Variants in TBC1D22A observed in about 807,000 individuals in gnomAD.
The protein encoded by TBC1D22A is putative GTPase activator.
TBC1D22A carries 38 observed loss-of-function variants against 60.2 expected under a neutral mutation model. The ratio of observed to expected loss-of-function variants is 0.63; its 90% CI spans 0.49 to 0.83. The LOEUF is 0.83. Among genes scored for constraint, TBC1D22A ranks in the 40% least tolerant of loss-of-function variants. The probability of loss-of-function intolerance (pLI) is 0.00; values close to 1 mark genes in which losing one functional copy is unlikely to be tolerated. For synonymous variants in TBC1D22A, 302 were observed against 281.7 expected (o/e 1.07, Z -0.72); for missense variants, 628 against 701.0 (o/e 0.90, Z 1.18).
At chr22:47,139,924 C>G (rs2067016629) in intron 12 of TBC1D22A, among the ~76,000 whole-genome samples, 1 of 152,266 alleles carries the variant, frequency 6.6e-6, no homozygotes. Context: ...TCCTATTACA[C>G]TGTCAGTCTT....
At chr22:46,800,864 C>T (rs2084868522) in intron 4 of TBC1D22A, among the ~76,000 whole-genome samples, 1 of 152,084 alleles carries the variant, frequency 6.6e-6, no homozygotes, top group Non-Finnish European at 1.5e-5. Context: ...CTGGTTGTGT[C>T]CTGTGGTTTC....
chr22:46,890,852 T>C (rs914068497), intron 5 of TBC1D22A, among the ~76,000 whole-genome samples: 1 of 152,204 alleles, frequency 6.6e-6, no homozygotes, highest in Non-Finnish European at 1.5e-5. Flanking sequence ...GGGGTGTGTG[T>C]GCGTGGTTGC....
At chr22:47,140,963 A>T (rs898134760) in intron 12 of TBC1D22A, among the ~76,000 whole-genome samples, 2 of 152,226 alleles carry the variant, frequency 1.3e-5, no homozygotes, top group Non-Finnish European at 2.9e-5. Context: ...GTTAGCATGT[A>T]TGTTAGTCCA....
intron 12 of TBC1D22A, among the ~76,000 whole-genome samples, chr22:47,161,126 G>A (rs1010702885): frequency 1.3e-5 from 2 of 152,226 alleles, no homozygotes; most frequent in African/African-American, 4.8e-5. Flanking sequence ...TGCTGGGGAG[G>A]GAGCACTGCC....
intron 12 of TBC1D22A, among the ~76,000 whole-genome samples, chr22:47,172,547 C>T (rs966605558): frequency 1.8e-4 from 28 of 152,194 alleles, no homozygotes; most frequent in Admixed American, 1.6e-3. Flanking sequence ...TTATGTAAAA[C>T]CTTTTACCTC....
intron 4 of TBC1D22A, among the ~76,000 whole-genome samples, chr22:46,823,863 A>T (rs919182601): frequency 2.6e-5 from 4 of 152,160 alleles, no homozygotes; most frequent in African/African-American, 9.7e-5. Context: ...GGTGCTGCAC[A>T]CGCACACCTG....
intron 1 of TBC1D22A, among the ~76,000 whole-genome samples, chr22:46,782,264 A>T (rs976633410): frequency 2.6e-5 from 4 of 152,228 alleles, no homozygotes; most frequent in Non-Finnish European, 5.9e-5. Context: ...CATGTTGGCC[A>T]GGATGGTCTC....
At chr22:46,956,034 T>C (rs1036388201) in intron 8 of TBC1D22A, among the ~76,000 whole-genome samples, 13 of 152,192 alleles carry the variant, frequency 8.5e-5, no homozygotes, top group African/African-American at 3.1e-4. Context: ...TTTTTCAGTA[T>C]GTGAAAATGA....
intron 1 of TBC1D22A, chr22:46,789,594 A>G (rs776782665): frequency 1.7e-5 from 3 of 174,276 alleles, no homozygotes; most frequent in Non-Finnish European, 2.5e-5. Flanking sequence ...AAATCTTAGA[A>G]TATAAAAGTG....
intron 8 of TBC1D22A, among the ~76,000 whole-genome samples, chr22:46,919,245 G>A (rs897750265): frequency 6.6e-6 from 1 of 152,182 alleles, no homozygotes. Flanking sequence ...TTTCACGTGA[G>A]TGGAATTACA....
At chr22:46,894,688 G>C in intron 6 of TBC1D22A, 96 bp from the exon 7 acceptor site, 1 of 1,442,068 alleles carries the variant, frequency 6.9e-7, no homozygotes, top group South Asian at 1.1e-5. Context: ...TAGAGGCCGG[G>C]GAAGGACTTA....
intron 10 of TBC1D22A, among the ~76,000 whole-genome samples, chr22:47,004,249 T>TAC (rs573057479): frequency 3.9e-4 from 57 of 147,198 alleles, no homozygotes; most frequent in Middle Eastern, 7.9e-3. Flanking sequence ...ATCTGCCATA[T>TAC]ACACATATAC....
chr22:47,022,996 A>G (rs1182097417), intron 10 of TBC1D22A, among the ~76,000 whole-genome samples: 3 of 152,278 alleles, frequency 2.0e-5, no homozygotes, highest in Non-Finnish European at 4.4e-5. Context: ...ATTGTCAGCC[A>G]TGCACAGAAA....
chr22:47,107,261 A>G (rs1031265027), intron 11 of TBC1D22A, among the ~76,000 whole-genome samples: 3 of 152,216 alleles, frequency 2.0e-5, no homozygotes, highest in Non-Finnish European at 4.4e-5. Flanking sequence ...ATGCTAGAAA[A>G]AGTAGAACAG....
At chr22:46,868,489 C>T (rs773844483) in intron 4 of TBC1D22A, among the ~76,000 whole-genome samples, 43 of 152,180 alleles carry the variant, frequency 2.8e-4, no homozygotes, top group South Asian at 1.0e-3. Context: ...ACCCAGAATT[C>T]GAACACTTGG....
At chr22:46,971,938 G>A (rs932725707) in intron 8 of TBC1D22A, among the ~76,000 whole-genome samples, 6 of 152,232 alleles carry the variant, frequency 3.9e-5, no homozygotes, top group South Asian at 2.1e-4. Flanking sequence ...CCGGCAGGGA[G>A]CCGGTGGGTG....
chr22:46,945,878 G>C (rs1210065537), intron 8 of TBC1D22A, among the ~76,000 whole-genome samples: 1 of 152,152 alleles, frequency 6.6e-6, no homozygotes, highest in Admixed American at 6.5e-5. Context: ...GCTTCATCCT[G>C]CTGACTAGTA....
chr22:47,110,789 G>T (rs539631920), intron 11 of TBC1D22A, among the ~76,000 whole-genome samples: 1 of 152,332 alleles, frequency 6.6e-6, no homozygotes, highest in African/African-American at 2.4e-5. Flanking sequence ...TTGGCCGTGC[G>T]TGCTTGAACT....
chr22:46,793,697 A>G lies in TBC1D22A; in HGVS notation c.316A>G (p.Ser106Gly). Residue 106 changes from serine (S) to glycine (G), a missense_variant, in exon 3 of 13, where the codon AGC becomes GGC. Ser to Gly is a moderately conservative substitution (Grantham distance 56). Transcript: ENST00000337137. ...GGCCAACCGTGTGCTGCGTAACCAC[A>G]GCCAGCGGCAGGGGCGGCCCACGCT... is the stretch of plus-strand genomic sequence containing the variant. ...ETANRVLRNH[S>G]QRQGRPTLQE... 1 of 1,612,498 alleles carries G rather than the reference A, an allele frequency of 6.2e-7. No homozygotes were observed. Among genetic ancestry groups the G allele is most frequent in the Non-Finnish European group, 8.5e-7 (1 of 1,179,768 alleles).
Sources: gnomAD v4.1 joint callset for allele counts (sites outside exome capture counted in the v4.1 genomes callset) on GRCh38, gnomAD v4.1.1 for gene constraint, MANE v1.5 for transcripts, NCBI Gene and HGNC (gene_info 2026-07-23, HGNC 2026-07-21) for gene names.